The following DDX20 variants were observed in gnomAD, a reference collection of about 807,000 sequenced individuals.
DDX20 encodes DEAD-box helicase 20.
DDX20 carries 61 observed loss-of-function variants against 76.4 expected under a neutral mutation model. The ratio of observed to expected loss-of-function variants is 0.80; its 90% CI spans 0.65 to 0.99. The LOEUF (loss-of-function observed/expected upper bound fraction) is 0.99, where lower values mean the gene tolerates loss of function less well. Among genes scored for constraint, DDX20 ranks in the 50% least tolerant of loss-of-function variants. The pLI is 0.00. For synonymous variants in DDX20, 357 were observed against 357.4 expected (o/e 1.00, Z 0.01); for missense variants, 976 against 996.8 (o/e 0.98, Z 0.28).
At chr1:111,759,262 A>G (rs1663622370) in intron 2 of DDX20, 138 bp from the exon 3 acceptor site, 2 of 704,304 alleles carry the variant, frequency 2.8e-6, no homozygotes, top group Admixed American at 7.2e-5. Flanking sequence ...CCAAGGGATA[A>G]CTGTACCTTA....
Position 111,759,440 on chromosome 1 carries a change from T to C in DDX20, c.437T>C (p.Ile146Thr). ...LAPTREIAVQ[I>T]HSVITAIGIK... ...CCTACAAGAGAAATTGCTGTACAGATACATTCTGTTATTACAGCCATTGGA... is the reference window on the plus strand; with the variant it reads ...CCTACAAGAGAAATTGCTGTACAGACACATTCTGTTATTACAGCCATTGGA... Residue 146 changes from isoleucine (I) to threonine (T), a missense_variant, in exon 3 of 11, where the codon ATA becomes ACA. This residue lies in a region of DDX20 where 343 missense variants were observed against 286.4 expected (regional missense o/e 1.20). Transcript: ENST00000369702. 1 of 1,613,392 alleles carries C rather than the reference T, an allele frequency of 6.2e-7. No individual in the cohort carries two copies. The highest frequency in any genetic ancestry group is 8.5e-7 in the Non-Finnish European group (1 of 1,179,596).
intron 8 of DDX20, 74 bp downstream of exon 8, chr1:111,762,411 A>G (rs558057845): frequency 1.6e-6 from 2 of 1,223,616 alleles, no homozygotes; most frequent in Non-Finnish European, 2.4e-6. Context: ...CAGATTTCAT[A>G]TATTATTTTA....
At chr1:111,756,354 G>A in intron 1 of DDX20, 129 bp downstream of exon 1, 1 of 963,224 alleles carries the variant, frequency 1.0e-6, no homozygotes, top group Non-Finnish European at 1.4e-6. Context: ...GGGCCCTGCC[G>A]GGGGCTAGGC....
At chr1:111,758,622 T>A (rs1398483260) in intron 2 of DDX20, among the ~76,000 whole-genome samples, 2 of 152,126 alleles carry the variant, frequency 1.3e-5, no homozygotes, top group African/African-American at 2.4e-5. Flanking sequence ...GTGAAAACGC[T>A]TCCCCAGGGG....
rs909309715 is a variant in DDX20, at chr1:111,755,954, C to G, written c.30C>G (p.Ala10=). 9 of 1,589,880 alleles carry G rather than the reference C, an allele frequency of 5.7e-6. 1 individual carries two copies. Among genetic ancestry groups the G allele is most frequent in the South Asian group, 2.2e-5 (2 of 89,226 alleles). MAAAFEASG[A]LAAVATAMPA... ...CGGCGGCATTTGAAGCCTCGGGAGC[C>G]TTAGCAGCAGTGGCGACTGCTATGC... Residue 10 remains alanine, a synonymous_variant, in exon 1 of 11, where the codon GCC becomes GCG. Transcript: ENST00000369702.
In DDX20 at chr1:111,756,238, G is replaced by C; in HGVS notation, c.301+13G>C. The C allele has an allele frequency of 7.8e-7, 1 of 1,279,576 alleles. No individual in the cohort carries two copies. Among genetic ancestry groups the C allele is most frequent in the Non-Finnish European group, 1.0e-6 (1 of 976,804 alleles). 79.3% of individuals were successfully genotyped at this position (1,279,576 alleles called of 1,614,324 possible). ...CGCTGCGGGCTCGGTGAGAGCGGGG[G>C]CCCGGGATAGGTCGGGGGGTGGGGT... On this transcript the variant is annotated intron_variant, in intron 1 of 10. Coordinates refer to ENST00000369702, the MANE Select transcript of DDX20 (RefSeq NM_007204.5).
Position 111,766,569 on chromosome 1 carries a change from T to A in DDX20, c.2145T>A (p.Pro715=). The change falls in exon 11 of 11, where the codon CCT becomes CCA. Residue 715 remains proline, a synonymous_variant. Transcript: ENST00000369702. ...ATCCAGAGAAATATCAAGAATCACC[T>A]GGAATCCAGATGAAGACAAGACTTA... The part of the protein sequence containing the change: ...TPNPEKYQES[P]GIQMKTRLKE... 2.5e-6 allele frequency: 4 copies of A among 1,614,164 alleles called. No individual in the cohort carries two copies. Among genetic ancestry groups the A allele is most frequent in the Non-Finnish European group, 3.4e-6 (4 of 1,179,996 alleles).
chr1:111,758,842 T>C (rs1360065694), intron 2 of DDX20, among the ~76,000 whole-genome samples: 2 of 152,236 alleles, frequency 1.3e-5, no homozygotes, highest in Admixed American at 1.3e-4. Flanking sequence ...GCAAAGACTT[T>C]GTACTGTTAA....
intron 2 of DDX20, among the ~76,000 whole-genome samples, 186 bp downstream of exon 2, chr1:111,756,926 G>A (rs924572187): frequency 1.3e-5 from 2 of 152,172 alleles, no homozygotes; most frequent in Admixed American, 6.5e-5. Flanking sequence ...TACCATATAT[G>A]TCAATTTTGT....
chr1:111,760,636 C>T (rs1663653969), intron 4 of DDX20, 48 bp downstream of exon 4: 1 of 1,596,862 alleles, frequency 6.3e-7, no homozygotes, highest in African/African-American at 1.4e-5. Flanking sequence ...TCCGAAGTAT[C>T]TATCTTTAGC....
chr1:111,763,521 G>A (rs968571754), intron 10 of DDX20, among the ~76,000 whole-genome samples: 1 of 149,204 alleles, frequency 6.7e-6, no homozygotes, highest in East Asian at 2.0e-4. Flanking sequence ...GCAGTGAGCT[G>A]AAATCAAGCC....
intron 1 of DDX20, among the ~76,000 whole-genome samples, 189 bp from the exon 2 acceptor site, chr1:111,756,457 A>G (rs578022657): frequency 7.2e-5 from 11 of 152,370 alleles, no homozygotes; most frequent in African/African-American, 2.2e-4. Context: ...AAATGGTTCT[A>G]AGTTTGAGAA....
chr1:111,762,195 T>C, intron 7 of DDX20, 60 bp from the exon 8 acceptor site: 1 of 1,361,884 alleles, frequency 7.3e-7, no homozygotes, highest in Non-Finnish European at 1.0e-6. Flanking sequence ...TTTTTGTGGA[T>C]TGGATAAATA....
In DDX20 at chr1:111,756,109, C is replaced by G. The variant is rs754354759; in HGVS notation, c.185C>G (p.Ala62Gly). 1 of 1,597,176 alleles carries G rather than the reference C, an allele frequency of 6.3e-7. No homozygotes were observed. The highest frequency in any genetic ancestry group is 1.3e-5 in the African/African-American group (1 of 74,766). The change falls in exon 1 of 11, where the codon GCC becomes GGC. Residue 62 changes from alanine (A) to glycine (G), a missense_variant. Around this residue, in one of 3 missense-constraint regions of DDX20, gnomAD observed 343 missense variants for 286.4 expected, o/e 1.20. Transcript: ENST00000369702. ...GGGGATGTGCTGTTGGCGGAGCCGG[C>G]CGACTTCGAGTCACTGCTGCTTTCG... The part of the protein sequence containing the change: ...RTGDVLLAEP[A>G]DFESLLLSRP...
chr1:111,759,326 C>G, intron 2 of DDX20, 74 bp from the exon 3 acceptor site: 1 of 1,070,926 alleles, frequency 9.3e-7, no homozygotes, highest in Non-Finnish European at 1.3e-6. Context: ...TATAGTGTGT[C>G]ATGTAATGAA....
Position 111,766,540 on chromosome 1 carries a change from C to T in DDX20, c.2116C>T (p.Pro706Ser). The change falls in exon 11 of 11, where the codon CCC becomes TCC. Residue 706 changes from proline to serine, a missense_variant. Coordinates refer to ENST00000369702, the MANE Select transcript of DDX20 (RefSeq NM_007204.5). ...ACAACCACCAAATGGAAGTGACACC[C>T]CCAATCCAGAGAAATATCAAGAATC... ...LEQPPNGSDT[P>S]NPEKYQESPG... 6.2e-7 allele frequency: 1 copy of T among 1,614,116 alleles called. No individual in the cohort carries two copies. Among genetic ancestry groups the T allele is most frequent in the Non-Finnish European group, 8.5e-7 (1 of 1,180,012 alleles).
Position 111,756,691 on chromosome 1 carries a change from TC to T in DDX20, c.348del (p.Ser117ProfsTer3). On this transcript the variant is annotated frameshift_variant, in exon 2 of 11. Transcript: ENST00000369702. LOFTEE classifies it high-confidence loss of function. ...AKSGTGKTCV[F>X]STIALDSLVL... ...TCTGGCACCGGGAAAACCTGTGTGTTCTCCACCATAGCTTTGGACTCTCTTG... is the reference window on the plus strand; with the variant it reads ...TCTGGCACCGGGAAAACCTGTGTGTTTCCACCATAGCTTTGGACTCTCTTG... 1 of 1,614,172 alleles carries T rather than the reference TC, an allele frequency of 6.2e-7. No homozygotes were observed. The highest frequency in any genetic ancestry group is 1.7e-5 in the Admixed American group (1 of 60,024).
At chr1:111,756,796 C>G in intron 2 of DDX20, 56 bp downstream of exon 2, 1 of 1,355,490 alleles carries the variant, frequency 7.4e-7, no homozygotes, top group Non-Finnish European at 1.1e-6. Flanking sequence ...TACCACAGGT[C>G]AGATGAAATA....
Position 111,760,569 on chromosome 1 carries a change from A to G in DDX20, c.661A>G (p.Ser221Gly). The part of the protein sequence containing the change: ...DEADKLLEEG[S>G]FQEQINWIYS... Reference sequence around the variant, plus strand: ...AGCAGATAAGCTTTTAGAAGAAGGCAGCTTCCAGGAGCAAATAAAGTAAGA... The same window carrying G: ...AGCAGATAAGCTTTTAGAAGAAGGCGGCTTCCAGGAGCAAATAAAGTAAGA... The change falls in exon 4 of 11, where the codon AGC becomes GGC. Residue 221 changes from serine (S) to glycine (G), a missense_variant. Physicochemically the swap from Ser to Gly is moderately conservative, Grantham distance 56. Transcript: ENST00000369702. The G allele has an allele frequency of 1.9e-6, 3 of 1,612,174 alleles. No homozygotes were observed. Among genetic ancestry groups the G allele is most frequent in the Non-Finnish European group, 2.5e-6 (3 of 1,179,468 alleles).
Sources: gnomAD v4.1 joint callset for allele counts (sites outside exome capture counted in the v4.1 genomes callset) on GRCh38, gnomAD v4.1.1 for gene constraint, gnomAD v4.1.1 regional missense constraint, MANE v1.5 for transcripts, NCBI Gene and HGNC (gene_info 2026-07-23, HGNC 2026-07-21) for gene names.